The following RBFOX1 variants were observed in gnomAD, a reference collection of about 807,000 sequenced individuals.
RBFOX1 encodes the protein RNA binding fox-1 homolog 1.
Under a neutral mutation model 57.7 loss-of-function variants are expected in RBFOX1, and 8 were observed. The ratio of observed to expected loss-of-function variants is 0.14; its 90% confidence interval spans 0.08 to 0.25. The LOEUF (loss-of-function observed/expected upper bound fraction) is 0.25, where lower values mean the gene tolerates loss of function less well. RBFOX1 is among the 10% of genes least tolerant of loss of function. The probability of loss-of-function intolerance (pLI) is 1.00; values close to 1 mark genes in which losing one functional copy is unlikely to be tolerated. For synonymous variants in RBFOX1, 326 were observed against 222.4 expected, an observed-to-expected ratio of 1.47 and a Z score of -4.15; for missense variants, 611 against 548.5, an observed-to-expected ratio of 1.11 and a Z score of -1.14.
chr16:5,599,125 T>A, exon 3 of RBFOX1: 1 of 699,586 alleles, frequency 1.4e-6, no homozygotes, highest in Non-Finnish European at 2.4e-6. Context: ...TCCAGAGCAC[T>A]TGCACAATTT....
intron 2 of RBFOX1, among the ~76,000 whole-genome samples, chr16:6,595,681 T>C (rs1432998490): frequency 6.6e-6 from 1 of 152,212 alleles, no homozygotes; most frequent in Non-Finnish European, 1.5e-5. Flanking sequence ...ACCAGCAATG[T>C]CTCTGGCTTC....
chr16:6,465,984 A>G (rs2095040451), intron 2 of RBFOX1, among the ~76,000 whole-genome samples: 1 of 151,978 alleles, frequency 6.6e-6, no homozygotes, highest in African/African-American at 2.4e-5. Flanking sequence ...ATCCTAGCAT[A>G]TTGAGAGGCT....
chr16:5,444,708 A>G (rs2068188939), intron 1 of RBFOX1, among the ~76,000 whole-genome samples: 1 of 152,168 alleles, frequency 6.6e-6, no homozygotes, highest in Non-Finnish European at 1.5e-5. Context: ...AAAGGGAGAA[A>G]TGAGGAAGAG....
intron 14 of RBFOX1, among the ~76,000 whole-genome samples, chr16:7,687,673 AAGG>A (rs1385864462): frequency 1.3e-5 from 2 of 152,246 alleles, no homozygotes; most frequent in South Asian, 4.1e-4. Flanking sequence ...ACATGTAAAA[AAGG>A]AAGCAACCTG....
At chr16:7,470,713 A>C (rs984871394) in intron 4 of RBFOX1, among the ~76,000 whole-genome samples, 1 of 152,036 alleles carries the variant, frequency 6.6e-6, no homozygotes, top group Non-Finnish European at 1.5e-5. Context: ...GATGGGGGGA[A>C]AGATGAATAT....
chr16:5,537,997 C>T lies in RBFOX1; in HGVS notation c.259-60905C>T, dbSNP rs138520431. Among the ~76,000 whole-genome samples the T allele has an allele frequency of 1.6e-3, 239 of 152,266 alleles. 1 individual carries two copies. Among genetic ancestry groups the T allele is most frequent in the East Asian group, 9.3e-3 (48 of 5,176 alleles). On this transcript the variant is annotated intron_variant, in intron 2 of 2. Coordinates refer to the RBFOX1 transcript ENST00000585867. ...AGGTGTGACTCCCAGATAATAAGGT[C>T]AGCATAAGAACCACAGAGATACCAT...
chr16:6,554,709 G>A (rs2097060353), intron 2 of RBFOX1, among the ~76,000 whole-genome samples: 1 of 148,240 alleles, frequency 6.7e-6, no homozygotes, highest in South Asian at 2.2e-4. Context: ...CCATCCTCTG[G>A]CCTCCAGTAG....
At chr16:5,560,890 C>T (rs931295230) in intron 2 of RBFOX1, among the ~76,000 whole-genome samples, 2 of 152,164 alleles carry the variant, frequency 1.3e-5, no homozygotes, top group African/African-American at 2.4e-5. Flanking sequence ...GTGCCTAGGT[C>T]CTGCTGTGAT....
At chr16:7,014,415 A>AC (rs1555770294) in intron 3 of RBFOX1, among the ~76,000 whole-genome samples, 1 of 148,788 alleles carries the variant, frequency 6.7e-6, no homozygotes, top group Non-Finnish European at 1.5e-5. Flanking sequence ...ATTTTATTTT[A>AC]TTTTTTTTTA....
intron 1 of RBFOX1, among the ~76,000 whole-genome samples, chr16:5,272,751 C>G (rs2063045940): frequency 6.6e-6 from 1 of 152,184 alleles, no homozygotes. Context: ...TCCCCCTTCC[C>G]TTTTCTACTC....
intron 3 of RBFOX1, among the ~76,000 whole-genome samples, chr16:5,808,572 G>A (rs1287312500): frequency 6.6e-6 from 1 of 152,158 alleles, no homozygotes; most frequent in South Asian, 2.1e-4. Context: ...TCTTCCATTT[G>A]TTTGTATCCT....
intron 3 of RBFOX1, among the ~76,000 whole-genome samples, chr16:6,655,584 T>A: frequency 6.6e-6 from 1 of 152,150 alleles, no homozygotes; most frequent in South Asian, 2.1e-4. Context: ...CGTTAGACAA[T>A]TGTTTGTTAA....
At chr16:5,767,548 G>A (rs1314535411) in intron 3 of RBFOX1, among the ~76,000 whole-genome samples, 2 of 152,222 alleles carry the variant, frequency 1.3e-5, no homozygotes, top group Non-Finnish European at 2.9e-5. Flanking sequence ...CTGTCCCTAC[G>A]AACCCTGCGT....
chr16:6,118,167 G>A (rs1217211299), intron 1 of RBFOX1, among the ~76,000 whole-genome samples: 1 of 152,118 alleles, frequency 6.6e-6, no homozygotes, highest in Non-Finnish European at 1.5e-5. Flanking sequence ...AGACCATGCT[G>A]TTAACTGAAA....
chr16:7,272,916 C>T (rs1411098320), intron 4 of RBFOX1, among the ~76,000 whole-genome samples: 1 of 145,722 alleles, frequency 6.9e-6, no homozygotes, highest in Non-Finnish European at 1.5e-5. Flanking sequence ...TCCTCCCTCC[C>T]CTCCCTCCTT....
chr16:5,256,044 A>G (rs1455759498), intron 1 of RBFOX1, among the ~76,000 whole-genome samples: 1 of 152,142 alleles, frequency 6.6e-6, no homozygotes, highest in Non-Finnish European at 1.5e-5. Flanking sequence ...TTCTTGGCAG[A>G]TGCTGCAGAT....
intron 1 of RBFOX1, among the ~76,000 whole-genome samples, chr16:5,432,828 T>A (rs952563106): frequency 2.0e-5 from 3 of 152,008 alleles, no homozygotes; most frequent in African/African-American, 7.2e-5. Context: ...CTCTGTCTCC[T>A]GGGTTGGAGT....
chr16:7,600,230 G>A (rs1301463200), intron 9 of RBFOX1, among the ~76,000 whole-genome samples: 3 of 152,106 alleles, frequency 2.0e-5, no homozygotes, highest in African/African-American at 7.2e-5. Context: ...CACACATACT[G>A]TGTATGGCAC....
chr16:5,359,838 T>C (rs766659920), intron 1 of RBFOX1, among the ~76,000 whole-genome samples: 1 of 152,208 alleles, frequency 6.6e-6, no homozygotes, highest in Non-Finnish European at 1.5e-5. Context: ...AATGGTTTCC[T>C]CTCTGGTCCT....
Sources: allele counts gnomAD v4.1 joint callset (sites outside exome capture counted in the v4.1 genomes callset), GRCh38; gene constraint gnomAD v4.1.1; transcripts MANE v1.5; gene names NCBI Gene and HGNC (gene_info 2026-07-23, HGNC 2026-07-21).